Variants in GRIN2A observed in about 807,000 individuals in gnomAD.
GRIN2A encodes glutamate ionotropic receptor NMDA type subunit 2A.
GRIN2A carries 22 observed loss-of-function variants against 113.4 expected under a neutral mutation model. The ratio of observed to expected loss-of-function variants is 0.19; its 90% CI spans 0.14 to 0.28. The LOEUF (loss-of-function observed/expected upper bound fraction) is 0.28, where lower values mean the gene tolerates loss of function less well. GRIN2A is among the 10% of genes least tolerant of loss of function. GRIN2A has a pLI of 1.00. For synonymous variants in GRIN2A, 827 were observed against 738.4 expected (o/e 1.12, Z -1.94); for missense variants, 1,502 against 1,887.0 (o/e 0.80, Z 3.78).
Position 9,822,377 on chromosome 16 carries a change from C to T in GRIN2A, c.2055G>A (p.Val685=). 1 of 1,612,938 alleles carries T rather than the reference C, an allele frequency of 6.2e-7. No individual in the cohort carries two copies. The highest frequency in any genetic ancestry group is 8.5e-7 in the Non-Finnish European group (1 of 1,179,012). Residue 685 remains valine (V), a synonymous_variant, in exon 10 of 13, where the codon GTG becomes GTA. Transcript: ENST00000330684. ...TGTTTCTCTCCGTGCTTCCATTAGGCACTGTCCCAAATCGAAAAGGTGGGG... is the reference window on the plus strand; with the variant it reads ...TGTTTCTCTCCGTGCTTCCATTAGGTACTGTCCCAAATCGAAAAGGTGGGG... ...DYSPPFRFGT[V]PNGSTERNIR... is the part of the protein sequence containing the mutation.
At chr16:9,955,322 C>T (rs962871235) in intron 2 of GRIN2A, among the ~76,000 whole-genome samples, 2 of 152,230 alleles carry the variant, frequency 1.3e-5, no homozygotes, top group Non-Finnish European at 1.5e-5. Flanking sequence ...CTTTGCTTGT[C>T]TTGTTCCAGG....
chr16:10,036,865 C>T (rs1160102796), intron 2 of GRIN2A: 6 of 152,126 alleles, frequency 3.9e-5, no homozygotes, highest in Non-Finnish European at 7.3e-5. Context: ...TTAGGGCTCA[C>T]ACTAATGACC....
chr16:10,124,133 A>C (rs4782266), intron 2 of GRIN2A, among the ~76,000 whole-genome samples: 128,093 of 152,092 alleles, frequency 0.84, 54,974 homozygotes, highest in East Asian at 1. Flanking sequence ...AAAGCGAGGT[A>C]TTGCAGTGCA....
At chr16:9,847,875 A>G (rs1366744088) in intron 5 of GRIN2A, among the ~76,000 whole-genome samples, 3 of 147,784 alleles carry the variant, frequency 2.0e-5, no homozygotes, top group Non-Finnish European at 3.0e-5. Context: ...TTGTGACCTC[A>G]TTGATAAAAT....
intron 3 of GRIN2A, among the ~76,000 whole-genome samples, chr16:9,895,729 T>A (rs979682158): frequency 1.3e-5 from 2 of 152,150 alleles, no homozygotes; most frequent in African/African-American, 2.4e-5. Flanking sequence ...AAGTTACCAG[T>A]CACTCTGTAC....
At chr16:10,155,062 A>C (rs1259836573) in intron 2 of GRIN2A, among the ~76,000 whole-genome samples, 1 of 152,202 alleles carries the variant, frequency 6.6e-6, no homozygotes, top group African/African-American at 2.4e-5. Flanking sequence ...TAAATATCTG[A>C]GGATCCCATG....
chr16:9,983,090 C>A (rs2045920317), intron 2 of GRIN2A, among the ~76,000 whole-genome samples: 2 of 152,148 alleles, frequency 1.3e-5, no homozygotes, highest in Non-Finnish European at 2.9e-5. Flanking sequence ...TTATCCATCA[C>A]CTCAAACTTG....
At chr16:9,878,105 G>A (rs1362761080) in intron 4 of GRIN2A, among the ~76,000 whole-genome samples, 2 of 152,004 alleles carry the variant, frequency 1.3e-5, no homozygotes, top group East Asian at 1.9e-4. Context: ...ACTAGCAAGG[G>A]TGCAGCTTTT....
intron 2 of GRIN2A, among the ~76,000 whole-genome samples, chr16:10,007,087 T>C (rs141854444): frequency 4.7e-4 from 71 of 152,372 alleles, no homozygotes; most frequent in African/African-American, 1.4e-3. Flanking sequence ...AGTGCTGTAA[T>C]AAACATGGGA....
At chr16:9,826,889 T>TC (rs1166832658) in intron 9 of GRIN2A, among the ~76,000 whole-genome samples, 6 of 152,088 alleles carry the variant, frequency 3.9e-5, no homozygotes, top group African/African-American at 1.4e-4. Context: ...AGTAAGGATT[T>TC]CCCCCCGCCC....
In GRIN2A at chr16:9,761,199, C is replaced by A. The variant is rs926971233; in HGVS notation, c.*1950G>T. 2.6e-5 allele frequency: 6 copies of A among 231,700 alleles called. No homozygotes were observed. Among genetic ancestry groups the A allele is most frequent in the Non-Finnish European group, 5.1e-5 (6 of 117,178 alleles). The allele number at this position is 231,700 out of a possible 1,614,324, so 14.4% of individuals were successfully genotyped here. ...ACACTGTAGGTCAGGTGTACTTTCC[C>A]AAAGATGGAGCTATTCCATGCATCC... On this transcript the variant is annotated 3_prime_UTR_variant, in exon 13 of 13. Coordinates refer to ENST00000330684, the MANE Select transcript of GRIN2A (RefSeq NM_001134407.3).
chr16:9,877,576 T>C (rs1253952765), intron 4 of GRIN2A, among the ~76,000 whole-genome samples: 4 of 151,620 alleles, frequency 2.6e-5, no homozygotes, highest in African/African-American at 9.7e-5. Context: ...ACTGTTACTT[T>C]GTTCTCTCTC....
intron 2 of GRIN2A, among the ~76,000 whole-genome samples, chr16:10,082,724 A>G (rs566501654): frequency 6.6e-6 from 1 of 152,252 alleles, no homozygotes; most frequent in African/African-American, 2.4e-5. Context: ...GAGATAATAA[A>G]TGGGTGTCAC....
intron 2 of GRIN2A, among the ~76,000 whole-genome samples, chr16:10,169,631 A>G (rs1447532259): frequency 6.6e-6 from 1 of 152,158 alleles, no homozygotes; most frequent in African/African-American, 2.4e-5. Flanking sequence ...GAGGAAGGCA[A>G]AGTAGAAGAA....
At position 10,035,279 on chromosome 16, in the gene GRIN2A, G is replaced by C. The variant is rs569402511; in HGVS notation, c.415-96728C>G. 8.5e-5 allele frequency among the ~76,000 whole-genome samples: 13 copies of C among 152,080 alleles called. No individual in the cohort carries two copies. In the South Asian group the frequency reaches 2.5e-3, roughly 29 times the overall value. ...AGACTCAAGTGATCCTCCTGCCTTG[G>C]CCTCTCAAAATGCTGAGATTACAGA... On this transcript the variant is annotated intron_variant, in intron 2 of 12. Transcript: ENST00000330684.
chr16:10,058,271 AAAAAAACC>A (rs199606930), intron 2 of GRIN2A, among the ~76,000 whole-genome samples: 4,136 of 150,680 alleles, frequency 0.027, 198 homozygotes, highest in African/African-American at 0.097. Context: ...ACCAAAAAAC[AAAAAAACC>A]AAAAAACAAA....
At chr16:10,145,240 G>C (rs1035042151) in intron 2 of GRIN2A, among the ~76,000 whole-genome samples, 1 of 152,142 alleles carries the variant, frequency 6.6e-6, no homozygotes, top group Non-Finnish European at 1.5e-5. Context: ...ATAAGTTCTG[G>C]AGATCTGCTG....
At chr16:9,880,338 T>G (rs939165211) in intron 4 of GRIN2A, among the ~76,000 whole-genome samples, 3 of 152,234 alleles carry the variant, frequency 2.0e-5, no homozygotes, top group Non-Finnish European at 4.4e-5. Flanking sequence ...CCAAATTTCT[T>G]TCTGCAACTA....
intron 3 of GRIN2A, among the ~76,000 whole-genome samples, chr16:9,893,686 C>T (rs539423694): frequency 1.3e-5 from 2 of 152,196 alleles, no homozygotes; most frequent in South Asian, 4.2e-4. Context: ...AGGCTGGTCC[C>T]GAACTCCTGA....
Sources: allele counts gnomAD v4.1 joint callset (sites outside exome capture counted in the v4.1 genomes callset), GRCh38; gene constraint gnomAD v4.1.1; transcripts MANE v1.5; gene names NCBI Gene and HGNC (gene_info 2026-07-23, HGNC 2026-07-21).